The following TBX10 variants were observed in gnomAD, a reference collection of about 807,000 sequenced individuals.
TBX10 encodes T-box transcription factor 10.
In TBX10, 26 loss-of-function variants were observed where a neutral mutation model predicts 32.4. That is an observed-to-expected ratio of 0.80 (90% CI 0.59 to 1.11). The LOEUF (loss-of-function observed/expected upper bound fraction) is 1.11. Among genes scored for constraint, TBX10 ranks in the 50% most tolerant of loss-of-function variants. The probability of loss-of-function intolerance (pLI) is 0.00; values close to 1 mark genes in which losing one functional copy is unlikely to be tolerated. For synonymous variants in TBX10, 195 were observed against 203.1 expected (o/e 0.96, Z 0.34); for missense variants, 490 against 494.5 (o/e 0.99, Z 0.09).
intron 1 of TBX10, among the ~76,000 whole-genome samples, chr11:67,636,248 CTTT>C (rs35028053): frequency 6.6e-5 from 9 of 136,218 alleles, no homozygotes; most frequent in Admixed American, 7.4e-5. Flanking sequence ...CACACGGCTA[CTTT>C]TTTTTTTTTT....
chr11:67,641,146 G>C (rs910492578), upstream of TBX10, among the ~76,000 whole-genome samples: 3 of 152,048 alleles, frequency 2.0e-5, no homozygotes, highest in African/African-American at 7.2e-5. Context: ...GATGGAGGGA[G>C]TTGGGGGATC....
upstream of TBX10, among the ~76,000 whole-genome samples, chr11:67,641,486 G>T (rs924667430): frequency 3.9e-5 from 6 of 152,150 alleles, no homozygotes; most frequent in Non-Finnish European, 8.8e-5. Context: ...TGCCCGAGGC[G>T]CCTGCTGGCC....
intron 1 of TBX10, 37 bp from the exon 2 acceptor site, chr11:67,635,300 C>T (rs757323946): frequency 9.3e-6 from 15 of 1,611,798 alleles, no homozygotes. Flanking sequence ...CCCCACGCAT[C>T]ACCCAGCCAG....
At chr11:67,634,490 C>A (rs1855293246) in intron 3 of TBX10, 130 bp from the exon 4 acceptor site, 6 of 1,135,110 alleles carry the variant, frequency 5.3e-6, no homozygotes, top group Non-Finnish European at 7.6e-6. Flanking sequence ...TGCTAAGGAA[C>A]CCAAGGCTCA....
chr11:67,635,076 C>T lies in TBX10; in HGVS notation c.195G>A (p.Val65=), dbSNP rs150577722. 3 of 1,613,762 alleles carry T rather than the reference C, an allele frequency of 1.9e-6. No individual in the cohort carries two copies. In the African/African-American group the frequency reaches 4.0e-5, roughly 22 times the overall value. Residue 65 remains valine, a synonymous_variant, in exon 2 of 8, where the codon GTG becomes GTA. Coordinates refer to ENST00000335385, the MANE Select transcript of TBX10 (RefSeq NM_005995.5). ...GAGGCTTCATCTCCAGCTGAACTGTCACTCTGGACACACGTGGGTTCTTGG... is the reference window on the plus strand; with the variant it reads ...GAGGCTTCATCTCCAGCTGAACTGTTACTCTGGACACACGTGGGTTCTTGG... The part of the protein sequence containing the change: ...QGPKNPRVSR[V]TVQLEMKPLW...
intron 3 of TBX10, among the ~76,000 whole-genome samples, 200 bp from the exon 4 acceptor site, chr11:67,634,560 T>G (rs1855293965): frequency 6.6e-6 from 1 of 152,184 alleles, no homozygotes; most frequent in Non-Finnish European, 1.5e-5. Context: ...GATGACAGGA[T>G]AACCCCTGCT....
chr11:67,641,607 G>A (rs927384233), upstream of TBX10, among the ~76,000 whole-genome samples: 9 of 152,346 alleles, frequency 5.9e-5, no homozygotes, highest in Non-Finnish European at 1.2e-4. Context: ...AGCCGTGGCC[G>A]CAGGGAAATG....
At chr11:67,641,298 C>A (rs1453098398), upstream of TBX10, among the ~76,000 whole-genome samples, 1 of 152,132 alleles carries the variant, frequency 6.6e-6, no homozygotes, top group Non-Finnish European at 1.5e-5. Context: ...CACACACGAG[C>A]ACACTGACAT....
Position 67,631,757 on chromosome 11 carries a change from T to G in TBX10, c.1006A>C (p.Ser336Arg). ...CGGGTCCTTGGGATCCCTAGGTGGC[T>G]CGGGGCTCCAGAGTACAGGCTCTGA... ...TYQSLYSGAP[S>R]HLGIPRTRPA... The change falls in exon 8 of 8, where the codon AGC (serine) becomes CGC (arginine). Residue 336 changes from serine (S) to arginine (R), a missense_variant. By Grantham distance (110) the Ser-to-Arg change is moderately radical. Coordinates refer to ENST00000335385, the MANE Select transcript of TBX10 (RefSeq NM_005995.5). 1 of 1,608,544 alleles carries G rather than the reference T, an allele frequency of 6.2e-7. No homozygotes were observed. Among genetic ancestry groups the G allele is most frequent in the East Asian group, 2.2e-5 (1 of 44,738 alleles).
chr11:67,639,393 T>TGCCCCCCCCCCCCCCCCCCCCC, intron 1 of TBX10, 73 bp downstream of exon 1: 1 of 726,920 alleles, frequency 1.4e-6, no homozygotes. Context: ...CTGTCTTGGT[T>TGCCCCCCCCCCCCCCCCCCCCC]CCCACCCTGC....
At position 67,634,277 on chromosome 11, in the gene TBX10, G is replaced by A. The variant is rs866905136; in HGVS notation, c.461C>T (p.Ser154Leu). 3 of 1,612,478 alleles carry A rather than the reference G, an allele frequency of 1.9e-6. No individual in the cohort carries two copies. Among genetic ancestry groups the A allele is most frequent in the African/African-American group, 1.3e-5 (1 of 74,948 alleles). Reference protein sequence around the residue: ...TPGRVHFHPDSPAKGAQWMRQ... With the variant: ...TPGRVHFHPDLPAKGAQWMRQ... The stretch of plus-strand genomic sequence containing the variant: ...CATCCACTGGGCACCCTTGGCTGGC[G>A]AGTCGGGGTGGAAGTGCACGCGGCC... Residue 154 changes from serine (S) to leucine (L), a missense_variant, in exon 4 of 8, where the codon TCG becomes TTG. Ser to Leu is a moderately radical substitution (Grantham distance 145, BLOSUM62 -2). Around this residue, in one of 3 missense-constraint regions of TBX10, gnomAD observed 307 missense variants for 294.9 expected, o/e 1.04. Coordinates refer to ENST00000335385, the MANE Select transcript of TBX10 (RefSeq NM_005995.5).
rs780031766 is a variant in TBX10, at chr11:67,635,145, G to C, written c.126C>G (p.Ser42Arg). The C allele has an allele frequency of 9.9e-6, 16 of 1,613,722 alleles. No homozygotes were observed. In the East Asian group the frequency reaches 3.6e-4, roughly 36 times the overall value. ...GSPFPSGPCT[S>R]STGAQAVAEP... ...CGGCCACAGCTTGGGCCCCAGTAGA[G>C]CTGGTGCAAGGGCCTGATGGGAATG... Residue 42 changes from serine to arginine, a missense_variant, in exon 2 of 8, where the codon AGC (serine) becomes AGG (arginine). By Grantham distance (110) the Ser-to-Arg change is moderately radical. Around this residue, in one of 3 missense-constraint regions of TBX10, gnomAD observed 307 missense variants for 294.9 expected, o/e 1.04. Transcript: ENST00000335385.
intron 1 of TBX10, among the ~76,000 whole-genome samples, chr11:67,638,105 G>A (rs529699324): frequency 1.8e-4 from 28 of 152,274 alleles, no homozygotes; most frequent in African/African-American, 6.5e-4. Flanking sequence ...TATTCGGGAG[G>A]CTGAGACACA....
chr11:67,636,121 C>T (rs1855324136), intron 1 of TBX10, among the ~76,000 whole-genome samples: 1 of 143,926 alleles, frequency 6.9e-6, no homozygotes, highest in Admixed American at 7.1e-5. Context: ...CTCTGTTTCC[C>T]AGGCTGGAGT....
rs1194103885 is a variant in TBX10 at position 67,631,732 on chromosome 11, C to T, written c.1031G>A (p.Arg344Gln). 7.5e-6 allele frequency: 12 copies of T among 1,610,180 alleles called. No individual in the cohort carries two copies. The highest frequency in any genetic ancestry group is 3.3e-5 in the South Asian group (3 of 90,158). Residue 344 changes from arginine (R) to glutamine (Q), a missense_variant, in exon 8 of 8, where the codon CGA becomes CAA. Arg to Gln is a conservative substitution (Grantham distance 43). Coordinates refer to ENST00000335385, the MANE Select transcript of TBX10 (RefSeq NM_005995.5). ...GTTGGGGAGGGGGTATGGTGCTGGT[C>T]GGGTCCTTGGGATCCCTAGGTGGCT... ...APSHLGIPRT[R>Q]PAPYPLPNIR... is the part of the protein sequence containing the mutation.
chr11:67,632,876 C>G (rs1305191317), intron 5 of TBX10, 72 bp downstream of exon 5: 31 of 1,611,972 alleles, frequency 1.9e-5, no homozygotes, highest in Non-Finnish European at 2.5e-5. Context: ...GTGAGGGCTG[C>G]AAGCCTCAGG....
At chr11:67,636,436 G>T (rs1245591636) in intron 1 of TBX10, among the ~76,000 whole-genome samples, 1 of 151,778 alleles carries the variant, frequency 6.6e-6, no homozygotes, top group African/African-American at 2.4e-5. Flanking sequence ...AGGTGCAGCT[G>T]CTGGGGAAAC....
intron 1 of TBX10, among the ~76,000 whole-genome samples, chr11:67,636,969 G>A (rs1242357859): frequency 6.6e-6 from 1 of 152,216 alleles, no homozygotes; most frequent in African/African-American, 2.4e-5. Context: ...TGAACAAAAT[G>A]GGGTCCATCC....
Position 67,635,119 on chromosome 11 carries a change from T to C in TBX10, c.152A>G (p.Glu51Gly). ...GTTCTTGGGGCCCTGCCCAGTGGGC[T>C]CGGCCACAGCTTGGGCCCCAGTAGA... Reference protein sequence around the residue: ...TSSTGAQAVAEPTGQGPKNPR... With the variant: ...TSSTGAQAVAGPTGQGPKNPR... Residue 51 changes from glutamate to glycine, a missense_variant, in exon 2 of 8, where the codon GAG (glutamate) becomes GGG (glycine). Coordinates refer to ENST00000335385, the MANE Select transcript of TBX10 (RefSeq NM_005995.5). 3 of 1,613,806 alleles carry C rather than the reference T, an allele frequency of 1.9e-6. No homozygotes were observed. Among genetic ancestry groups the C allele is most frequent in the Non-Finnish European group, 1.7e-6 (2 of 1,180,024 alleles).
Sources: gnomAD v4.1 joint callset for allele counts (sites outside exome capture counted in the v4.1 genomes callset) on GRCh38, gnomAD v4.1.1 for gene constraint, gnomAD v4.1.1 regional missense constraint, MANE v1.5 for transcripts, NCBI Gene and HGNC (gene_info 2026-07-23, HGNC 2026-07-21) for gene names.